ALPK2: variants seen among roughly 807,000 people sequenced by gnomAD.
ALPK2 encodes the protein alpha-protein kinase 2.
In ALPK2, 127 loss-of-function variants were observed where a neutral mutation model predicts 163.1. The ratio of observed to expected loss-of-function variants is 0.78; its 90% confidence interval spans 0.67 to 0.90. The LOEUF is 0.90. ALPK2 is among the 40% of genes least tolerant of loss of function. The pLI, the probability that ALPK2 is intolerant of heterozygous loss-of-function variation, is 0.00. For synonymous variants in ALPK2, 953 were observed against 959.1 expected, an observed-to-expected ratio of 0.99 and a Z score of 0.12; for missense variants, 2,360 against 2,589.6, an observed-to-expected ratio of 0.91 and a Z score of 1.92.
chr18:58,565,930 C>T (rs1303239024), intron 4 of ALPK2, among the ~76,000 whole-genome samples: 28 of 152,148 alleles, frequency 1.8e-4, no homozygotes, highest in Non-Finnish European at 7.4e-5. Context: ...TACAGGCGTG[C>T]ACCACCACGC....
At chr18:58,546,530 C>T (rs1455231297) in intron 4 of ALPK2, among the ~76,000 whole-genome samples, 1 of 152,168 alleles carries the variant, frequency 6.6e-6, no homozygotes, top group Admixed American at 6.5e-5. Flanking sequence ...TTGCTAATCC[C>T]TACAGCCTTT....
chr18:58,555,924 C>CT (rs1409811857), intron 4 of ALPK2, among the ~76,000 whole-genome samples: 1 of 152,130 alleles, frequency 6.6e-6, no homozygotes, highest in Non-Finnish European at 1.5e-5. Context: ...CCGGTTCAAG[C>CT]GATTCTCCTG....
intron 12 of ALPK2, among the ~76,000 whole-genome samples, chr18:58,485,408 C>G (rs995613571): frequency 6.6e-6 from 1 of 152,158 alleles, no homozygotes; most frequent in Non-Finnish European, 1.5e-5. Flanking sequence ...TCCTTCCTCT[C>G]GGAAGCTAAA....
chr18:58,507,304 C>G (rs1322922822), intron 10 of ALPK2, among the ~76,000 whole-genome samples: 2 of 151,896 alleles, frequency 1.3e-5, no homozygotes, highest in East Asian at 3.9e-4. Context: ...TGACCAGCTG[C>G]CCTGGGGTAG....
At chr18:58,564,820 T>C (rs2051843265) in intron 4 of ALPK2, among the ~76,000 whole-genome samples, 1 of 152,178 alleles carries the variant, frequency 6.6e-6, no homozygotes, top group South Asian at 2.1e-4. Flanking sequence ...AGCTCCCAGT[T>C]TATGTCTTCC....
rs1429220586 is a variant in ALPK2, at chr18:58,573,344, ATGTATATATATATGTGTG to A, written c.1962+5452_1962+5469del. On this transcript the variant is annotated intron_variant, in intron 4 of 12. Coordinates refer to ENST00000361673, the MANE Select transcript of ALPK2 (RefSeq NM_052947.4). The stretch of plus-strand genomic sequence containing the variant: ...TATATATGTATATATGTGTATATAT[ATGTATATATATATGTGTG>A]TGTATATATATATGTGTGTGTATAT... 7.8e-3 allele frequency among the ~76,000 whole-genome samples: 846 copies of A among 108,552 alleles called. 11 individuals are homozygous for A. The highest frequency in any genetic ancestry group is 0.025 in the African/African-American group (773 of 31,192). 71.2% of individuals were successfully genotyped at this position (108,552 alleles called of 152,430 possible). A position where few individuals can be genotyped will look rare whatever the true frequency, so the allele number is the denominator to read the frequency against.
chr18:58,568,489 C>T (rs1365836070), intron 4 of ALPK2, among the ~76,000 whole-genome samples: 1 of 152,148 alleles, frequency 6.6e-6, no homozygotes, highest in Non-Finnish European at 1.5e-5. Flanking sequence ...CCTCAGTTAC[C>T]CAGGGTCAGC....
At chr18:58,524,583 T>G (rs1262357998) in intron 6 of ALPK2, among the ~76,000 whole-genome samples, 1 of 152,164 alleles carries the variant, frequency 6.6e-6, no homozygotes, top group Non-Finnish European at 1.5e-5. Context: ...ATTATTAAGT[T>G]CCGGTCACTG....
rs3744866 is a variant in ALPK2 at position 58,482,192 on chromosome 18, A to C, written c.6297-153T>G. Among the ~76,000 whole-genome samples, 78,114 of 152,044 alleles carry C rather than the reference A, an allele frequency of 0.51. 21,429 individuals carry two copies. The highest frequency in any genetic ancestry group is 0.83 in the East Asian group (4,302 of 5,182). ...ATGGCTGCAGGATAGACACAACTAT[A>C]AGTGAAGGTAAAAAACAAAGACTGT... On this transcript the variant is annotated intron_variant, in intron 12 of 12. Coordinates refer to ENST00000361673, the MANE Select transcript of ALPK2 (RefSeq NM_052947.4).
intron 4 of ALPK2, among the ~76,000 whole-genome samples, chr18:58,570,626 G>T (rs1180390097): frequency 2.0e-5 from 3 of 152,216 alleles, no homozygotes; most frequent in Admixed American, 2.0e-4. Context: ...ACATCATTTA[G>T]TAGGAACTAT....
intron 12 of ALPK2, among the ~76,000 whole-genome samples, chr18:58,493,664 G>C (rs990237406): frequency 2.0e-5 from 3 of 152,092 alleles, no homozygotes; most frequent in Non-Finnish European, 4.4e-5. Flanking sequence ...CTGTCCTCCT[G>C]CTACATGAAT....
rs2051571590 is a variant in ALPK2 at position 58,524,096 on chromosome 18, A to G, written c.5502-34T>C. The G allele has an allele frequency of 3.1e-6, 5 of 1,587,752 alleles. No individual in the cohort carries two copies. The African/African-American group carries it at 4.1e-5, about 13-fold the overall frequency. On this transcript the variant is annotated intron_variant, in intron 6 of 12. Transcript: ENST00000361673. ...AGGAATATTCACATTGACACACTTCATCATTCTACAGTTGCATTTTTTCCT... is the reference window on the plus strand; with the variant it reads ...AGGAATATTCACATTGACACACTTCGTCATTCTACAGTTGCATTTTTTCCT...
At chr18:58,610,693 G>A (rs559431446) in intron 2 of ALPK2, among the ~76,000 whole-genome samples, 1 of 152,316 alleles carries the variant, frequency 6.6e-6, no homozygotes, top group South Asian at 2.1e-4. Flanking sequence ...TGTAATTCCA[G>A]CACTTTGGGA....
chr18:58,579,401 C>A lies in ALPK2; in HGVS notation c.1375G>T (p.Glu459Ter). The change falls in exon 4 of 13, where the codon GAA becomes TAA. Residue 459 changes from glutamate (E) to a stop codon, truncating the protein, a stop_gained. Transcript: ENST00000361673. LOFTEE classifies it high-confidence loss of function. Reference protein sequence around the residue: ...YKLPTAPEAAENDYPGIQGET... With the variant: ...YKLPTAPEAA ...CCTTGAATTCCTGGATAATCATTTT[C>A]AGCAGCCTCGGGAGCAGTGGGGAGT... The A allele has an allele frequency of 6.2e-7, 1 of 1,614,198 alleles. No individual in the cohort carries two copies. Among genetic ancestry groups the A allele is most frequent in the Non-Finnish European group, 8.5e-7 (1 of 1,180,032 alleles).
At chr18:58,543,628 G>A (rs2051702686) in intron 4 of ALPK2, among the ~76,000 whole-genome samples, 1 of 152,206 alleles carries the variant, frequency 6.6e-6, no homozygotes, top group African/African-American at 2.4e-5. Flanking sequence ...CTCCTGCAGT[G>A]TCCTTCCAGT....
intron 9 of ALPK2, among the ~76,000 whole-genome samples, chr18:58,515,703 C>G (rs960984753): frequency 6.6e-6 from 1 of 152,214 alleles, no homozygotes; most frequent in Non-Finnish European, 1.5e-5. Context: ...GAGAGCAAGG[C>G]TGCCTTCAGA....
intron 3 of ALPK2, among the ~76,000 whole-genome samples, chr18:58,602,932 A>G (rs1490328898): frequency 6.6e-6 from 1 of 152,188 alleles, no homozygotes; most frequent in Non-Finnish European, 1.5e-5. Context: ...CACCAGCACC[A>G]TGACAGTTTA....
At chr18:58,573,338 ATATATATG>A (rs2051898669) in intron 4 of ALPK2, among the ~76,000 whole-genome samples, 3 of 137,906 alleles carry the variant, frequency 2.2e-5, no homozygotes, top group Middle Eastern at 3.6e-3. Flanking sequence ...ATATATGTGT[ATATATATG>A]TATATATATA....
chr18:58,530,074 CA>C (rs1383201395), intron 5 of ALPK2, among the ~76,000 whole-genome samples: 1 of 152,106 alleles, frequency 6.6e-6, no homozygotes, highest in Non-Finnish European at 1.5e-5. Flanking sequence ...GTTGGTAACA[CA>C]AAAAAGTACA....
Sources: allele counts gnomAD v4.1 joint callset (sites outside exome capture counted in the v4.1 genomes callset), GRCh38; gene constraint gnomAD v4.1.1; transcripts MANE v1.5; gene names NCBI Gene and HGNC (gene_info 2026-07-23, HGNC 2026-07-21).